The following GLB1 variants were observed in gnomAD, a reference collection of about 807,000 sequenced individuals.
GLB1 encodes the protein beta-galactosidase.
GLB1 carries 56 observed loss-of-function variants against 74.0 expected under a neutral mutation model. The ratio of observed to expected loss-of-function variants is 0.76; its 90% CI spans 0.61 to 0.94. The LOEUF is 0.94. Among genes scored for constraint, GLB1 ranks in the 40% least tolerant of loss-of-function variants. The probability of loss-of-function intolerance (pLI) is 0.00; values close to 1 mark genes in which losing one functional copy is unlikely to be tolerated. For missense variants in GLB1, 787 were observed against 845.5 expected, an observed-to-expected ratio of 0.93 and a Z score of 0.86; for synonymous variants, 323 against 323.6, an observed-to-expected ratio of 1.00 and a Z score of 0.02.
At chr3:32,998,698 A>T (rs1237617608) in intron 15 of GLB1, among the ~76,000 whole-genome samples, 2 of 151,982 alleles carry the variant, frequency 1.3e-5, no homozygotes, top group Admixed American at 6.6e-5. Context: ...AGAGGAATGG[A>T]AGAAGGGAGG....
At chr3:33,034,873 A>C (rs1319748907) in intron 10 of GLB1, 3 of 484,018 alleles carry the variant, frequency 6.2e-6, no homozygotes, top group African/African-American at 5.9e-5. Context: ...ATCTGCCTTA[A>C]CATGATCAGA....
chr3:33,053,077 T>C (rs1353655963), intron 7 of GLB1, among the ~76,000 whole-genome samples: 1 of 152,168 alleles, frequency 6.6e-6, no homozygotes, highest in Admixed American at 6.5e-5. Context: ...GATTGATAGA[T>C]TGTTGACACC....
chr3:32,998,891 G>A (rs111366059), intron 15 of GLB1, among the ~76,000 whole-genome samples: 3 of 152,258 alleles, frequency 2.0e-5, no homozygotes, highest in African/African-American at 7.2e-5. Context: ...GCCTCCAAGT[G>A]TCCCCTTTAC....
At chr3:33,064,899 C>G (rs940217957) in intron 5 of GLB1, among the ~76,000 whole-genome samples, 2 of 151,852 alleles carry the variant, frequency 1.3e-5, no homozygotes, top group East Asian at 3.9e-4. Context: ...TCAATGTACC[C>G]CACAGTATAT....
Position 33,021,526 on chromosome 3 carries a change from C to T in GLB1, c.1233+40G>A, listed in dbSNP as rs78196564. 3.1e-6 allele frequency: 5 copies of T among 1,601,230 alleles called. No individual in the cohort carries two copies. The East Asian group carries it at 8.9e-5, about 29-fold the overall frequency. Reference sequence around the variant, plus strand: ...AGGCAGTGCAGAAAGCACACTTTTGCAAGTAGAAAAAAGGCGAGGCATTAC... The same window carrying T: ...AGGCAGTGCAGAAAGCACACTTTTGTAAGTAGAAAAAAGGCGAGGCATTAC... On this transcript the variant is annotated intron_variant, in intron 12 of 15. Coordinates refer to ENST00000307363, the MANE Select transcript of GLB1 (RefSeq NM_000404.4).
At chr3:33,014,761 G>A (rs1330861860) in intron 14 of GLB1, among the ~76,000 whole-genome samples, 2 of 152,194 alleles carry the variant, frequency 1.3e-5, no homozygotes, top group African/African-American at 4.8e-5. Flanking sequence ...GAGGTTAGGA[G>A]TTCAAGACCA....
chr3:33,092,944 C>T (rs1357216890), intron 1 of GLB1: 1 of 1,614,154 alleles, frequency 6.2e-7, no homozygotes, highest in Non-Finnish European at 8.5e-7. Context: ...GTAGCCTGGG[C>T]CACCTGGTAG....
chr3:33,025,035 TC>T (rs1285001789), intron 10 of GLB1, among the ~76,000 whole-genome samples: 2 of 151,764 alleles, frequency 1.3e-5, no homozygotes, highest in Non-Finnish European at 2.9e-5. Flanking sequence ...AACCTCTGCC[TC>T]CCGGGTTCAA....
intron 10 of GLB1, among the ~76,000 whole-genome samples, chr3:33,026,056 G>A (rs1304418836): frequency 6.6e-6 from 1 of 152,168 alleles, no homozygotes; most frequent in Non-Finnish European, 1.5e-5. Flanking sequence ...AGGGCCCCGA[G>A]GTAGAGCTGT....
At chr3:32,964,578 A>G in the GLB1 span, among the ~76,000 whole-genome samples, 1 of 152,238 alleles carries the variant, frequency 6.6e-6, no homozygotes, top group Non-Finnish European at 1.5e-5. Flanking sequence ...TAGGCAATAT[A>G]TAACAACAGA....
intron 10 of GLB1, among the ~76,000 whole-genome samples, chr3:33,024,735 T>C (rs1427799339): frequency 1.3e-5 from 2 of 152,256 alleles, no homozygotes; most frequent in Non-Finnish European, 2.9e-5. Context: ...TTAAATTTAC[T>C]GTGGTTACAA....
chr3:33,015,556 A>C (rs771121055), intron 14 of GLB1, among the ~76,000 whole-genome samples: 6 of 152,180 alleles, frequency 3.9e-5, no homozygotes, highest in Non-Finnish European at 8.8e-5. Flanking sequence ...CCCATTTAAT[A>C]ATTTGATAAA....
chr3:33,012,679 G>T (rs1041140299), intron 15 of GLB1, among the ~76,000 whole-genome samples: 9 of 152,060 alleles, frequency 5.9e-5, no homozygotes, highest in African/African-American at 2.2e-4. Flanking sequence ...TCAAACTCAT[G>T]ACCCCCCTTT....
At chr3:32,966,769 T>C in the GLB1 span, among the ~76,000 whole-genome samples, 1 of 152,170 alleles carries the variant, frequency 6.6e-6, no homozygotes, top group Non-Finnish European at 1.5e-5. Flanking sequence ...ATCATGGCAG[T>C]GGGTTTTCCC....
At chr3:33,069,732 C>T (rs1699823962) in intron 2 of GLB1, among the ~76,000 whole-genome samples, 1 of 152,194 alleles carries the variant, frequency 6.6e-6, no homozygotes, top group African/African-American at 2.4e-5. Flanking sequence ...TCTTGACTGA[C>T]CGTAAACCTC....
chr3:32,976,075 T>C, the GLB1 span, among the ~76,000 whole-genome samples: 1 of 152,210 alleles, frequency 6.6e-6, no homozygotes. Flanking sequence ...GGTGTTGCAA[T>C]TTTGCGAGTG....
At chr3:33,067,317 G>C (rs2125546457) in intron 4 of GLB1, among the ~76,000 whole-genome samples, 1 of 151,562 alleles carries the variant, frequency 6.6e-6, no homozygotes. Context: ...TTCTTTTTTT[G>C]AGACAAAGTC....
downstream of GLB1, among the ~76,000 whole-genome samples, chr3:32,993,621 G>A (rs376987496): frequency 2.9e-3 from 373 of 129,642 alleles, 2 homozygotes; most frequent in African/African-American, 9.8e-3. Flanking sequence ...TGCAGCCTCC[G>A]CCTCCCGCTT....
At chr3:33,019,747 G>C (rs1045752164) in intron 12 of GLB1, among the ~76,000 whole-genome samples, 2 of 152,226 alleles carry the variant, frequency 1.3e-5, no homozygotes, top group Non-Finnish European at 2.9e-5. Context: ...GCTGAGGAAA[G>C]CTTTGTCAAG....
Sources: allele counts gnomAD v4.1 joint callset (sites outside exome capture counted in the v4.1 genomes callset), GRCh38; gene constraint gnomAD v4.1.1; transcripts MANE v1.5; gene names NCBI Gene and HGNC (gene_info 2026-07-23, HGNC 2026-07-21).